Variants in MYRIP observed in about 807,000 individuals in gnomAD.
The protein encoded by MYRIP is rab effector MyRIP.
In MYRIP, 49 loss-of-function variants were observed where a neutral mutation model predicts 98.0. That is an observed-to-expected ratio of 0.50 (90% CI 0.40 to 0.63). MYRIP has a LOEUF of 0.63. Among genes scored for constraint, MYRIP ranks in the 30% least tolerant of loss-of-function variants. The probability of loss-of-function intolerance (pLI) is 0.00; values close to 1 mark genes in which losing one functional copy is unlikely to be tolerated. For synonymous variants in MYRIP, 404 were observed against 409.5 expected, an observed-to-expected ratio of 0.99 and a Z score of 0.16; for missense variants, 1,004 against 1,058.2, an observed-to-expected ratio of 0.95 and a Z score of 0.71.
intron 3 of MYRIP, among the ~76,000 whole-genome samples, chr3:40,144,340 C>T (rs890016595): frequency 6.6e-6 from 1 of 152,242 alleles, no homozygotes; most frequent in Non-Finnish European, 1.5e-5. Context: ...CCCAGCTCAA[C>T]CCCAATGGCA....
intron 1 of MYRIP, among the ~76,000 whole-genome samples, chr3:39,843,368 G>T (rs1017746082): frequency 6.6e-6 from 1 of 151,800 alleles, no homozygotes; most frequent in Non-Finnish European, 1.5e-5. Context: ...TTGAGGCTTC[G>T]AAAAAAGACA....
chr3:40,212,247 T>C (rs1407292306), intron 11 of MYRIP, among the ~76,000 whole-genome samples: 2 of 110,712 alleles, frequency 1.8e-5, no homozygotes, highest in African/African-American at 5.5e-5. Flanking sequence ...CACACACACA[T>C]ATATATATAT....
chr3:40,006,027 C>A (rs955920461), intron 2 of MYRIP, among the ~76,000 whole-genome samples: 1 of 152,058 alleles, frequency 6.6e-6, no homozygotes, highest in Non-Finnish European at 1.5e-5. Context: ...GTACAAGGAG[C>A]TTCCATGAGG....
In MYRIP at chr3:40,069,219, C is replaced by T. The variant is rs566412884; in HGVS notation, c.332+24948C>T. 1.4e-3 allele frequency among the ~76,000 whole-genome samples: 211 copies of T among 152,212 alleles called. 1 individual carries two copies. The highest frequency in any genetic ancestry group is 5.0e-3 in the African/African-American group (207 of 41,532). On this transcript the variant is annotated intron_variant, in intron 3 of 16. Coordinates refer to ENST00000302541, the MANE Select transcript of MYRIP (RefSeq NM_015460.4). ...GGATGCACCTGCACATCTCTTCTCC[C>T]CCCATATCCTGGCAGTGGTTGTACA...
intron 1 of MYRIP, among the ~76,000 whole-genome samples, chr3:39,823,644 A>G (rs77594902): frequency 0.013 from 1,925 of 152,216 alleles, 47 homozygotes; most frequent in African/African-American, 0.043. Context: ...GAACATTTAC[A>G]TATCTTCTTT....
chr3:39,967,382 T>C (rs920989092), intron 2 of MYRIP, among the ~76,000 whole-genome samples: 1 of 152,192 alleles, frequency 6.6e-6, no homozygotes, highest in Non-Finnish European at 1.5e-5. Flanking sequence ...CTAAAGATAA[T>C]GGCCTCCAGC....
intron 3 of MYRIP, among the ~76,000 whole-genome samples, chr3:40,107,183 C>T (rs1404156179): frequency 6.6e-6 from 1 of 152,190 alleles, no homozygotes; most frequent in African/African-American, 2.4e-5. Context: ...TTATTGAATA[C>T]CTGCTGGGGA....
chr3:40,086,274 T>A (rs1305891023), intron 3 of MYRIP, among the ~76,000 whole-genome samples: 1 of 152,134 alleles, frequency 6.6e-6, no homozygotes, highest in East Asian at 1.9e-4. Context: ...GTCTGAAAGG[T>A]CCTCTCAAAC....
chr3:39,973,258 T>C (rs1945646809), intron 2 of MYRIP, among the ~76,000 whole-genome samples: 1 of 152,060 alleles, frequency 6.6e-6, no homozygotes, highest in Non-Finnish European at 1.5e-5. Flanking sequence ...AATCCTAGTC[T>C]CTGATAAAAC....
chr3:39,975,885 T>C (rs1372959233), intron 2 of MYRIP, among the ~76,000 whole-genome samples: 2 of 152,130 alleles, frequency 1.3e-5, no homozygotes, highest in African/African-American at 2.4e-5. Context: ...TTACATCTTA[T>C]ACAAAAATTA....
chr3:39,889,216 A>G (rs1415108558), intron 1 of MYRIP, among the ~76,000 whole-genome samples: 1 of 152,258 alleles, frequency 6.6e-6, no homozygotes, highest in African/African-American at 2.4e-5. Flanking sequence ...GCTGCTATAA[A>G]GACACATGCA....
chr3:40,143,251 C>T lies in MYRIP; in HGVS notation c.333-7797C>T, dbSNP rs10049356. On this transcript the variant is annotated intron_variant, in intron 3 of 16. Transcript: ENST00000302541. ...ACAAATAAATGAGTCCATGCACAGA[C>T]GCAGGATTCCACCCTGTCCTCTATT... Among the ~76,000 whole-genome samples, 1,175 of 152,330 alleles carry T rather than the reference C, an allele frequency of 7.7e-3. 16 individuals carry two copies. Among genetic ancestry groups the T allele is most frequent in the African/African-American group, 0.027 (1,126 of 41,568 alleles).
At chr3:40,153,870 A>G (rs1396217907) in intron 4 of MYRIP, among the ~76,000 whole-genome samples, 1 of 152,174 alleles carries the variant, frequency 6.6e-6, no homozygotes, top group East Asian at 1.9e-4. Context: ...GGCCGGGCAC[A>G]GTGGCTCTCG....
chr3:40,136,777 A>G (rs890654164), intron 3 of MYRIP, among the ~76,000 whole-genome samples: 3 of 152,258 alleles, frequency 2.0e-5, no homozygotes, highest in Non-Finnish European at 4.4e-5. Flanking sequence ...CCTGCCCTGA[A>G]TGACTACTGG....
At chr3:39,952,188 A>G (rs1208440081) in intron 2 of MYRIP, among the ~76,000 whole-genome samples, 2 of 152,058 alleles carry the variant, frequency 1.3e-5, no homozygotes, top group Non-Finnish European at 2.9e-5. Context: ...TTAGCATACT[A>G]TTTTTTAGTT....
chr3:40,091,730 T>A (rs1043975397), intron 3 of MYRIP, among the ~76,000 whole-genome samples: 3 of 152,140 alleles, frequency 2.0e-5, no homozygotes, highest in Non-Finnish European at 4.4e-5. Context: ...CACTTCTAAT[T>A]CTCACATCTA....
intron 2 of MYRIP, among the ~76,000 whole-genome samples, chr3:40,037,064 T>C (rs1652511988): frequency 6.6e-6 from 1 of 151,878 alleles, no homozygotes; most frequent in Non-Finnish European, 1.5e-5. Flanking sequence ...AGAAAAGGCA[T>C]GGTAGATAGA....
chr3:40,144,439 G>C (rs1339247898), intron 3 of MYRIP, among the ~76,000 whole-genome samples: 1 of 152,182 alleles, frequency 6.6e-6, no homozygotes, highest in Non-Finnish European at 1.5e-5. Context: ...AGGGAGGGAG[G>C]AGTGTCCCAA....
chr3:39,919,693 G>GTGTGTGTGT, intron 2 of MYRIP, among the ~76,000 whole-genome samples: 1 of 143,364 alleles, frequency 7.0e-6, no homozygotes, highest in African/African-American at 2.7e-5. Flanking sequence ...GGGTATGTGT[G>GTGTGTGTGT]GTGTGTGTGT....
Sources: allele counts gnomAD v4.1 joint callset (sites outside exome capture counted in the v4.1 genomes callset), GRCh38; gene constraint gnomAD v4.1.1; transcripts MANE v1.5; gene names NCBI Gene and HGNC (gene_info 2026-07-23, HGNC 2026-07-21).